Variants in EEFSEC observed in about 807,000 individuals in gnomAD.
EEFSEC encodes the protein eukaryotic elongation factor, selenocysteine-tRNA specific.
A neutral mutation model predicts 42.1 loss-of-function variants in EEFSEC; 43 were observed. The observed-to-expected ratio is 1.02, with a 90% CI of 0.80 to 1.32. The LOEUF (loss-of-function observed/expected upper bound fraction) is 1.32, where lower values mean the gene tolerates loss of function less well. Ranked by LOEUF, EEFSEC falls within the 40% of genes most tolerant of loss-of-function variation. The pLI, the probability that EEFSEC is intolerant of heterozygous loss-of-function variation, is 0.00. For synonymous variants in EEFSEC, 354 were observed against 339.1 expected, an observed-to-expected ratio of 1.04 and a Z score of -0.48; for missense variants, 745 against 803.6, an observed-to-expected ratio of 0.93 and a Z score of 0.88.
At chr3:128,154,265 G>T (rs370764673) in intron 1 of EEFSEC, among the ~76,000 whole-genome samples, 1 of 151,776 alleles carries the variant, frequency 6.6e-6, no homozygotes, top group African/African-American at 2.4e-5. Flanking sequence ...TTTCAGAAAG[G>T]CTCCACGTCA....
At chr3:128,168,145 G>A (rs1041725364) in intron 1 of EEFSEC, among the ~76,000 whole-genome samples, 3 of 152,178 alleles carry the variant, frequency 2.0e-5, no homozygotes, top group African/African-American at 7.2e-5. Context: ...CCCAGAGCTT[G>A]GGGATGGGGA....
At chr3:128,229,760 G>A (rs75741435) in intron 1 of EEFSEC, among the ~76,000 whole-genome samples, 1 of 152,028 alleles carries the variant, frequency 6.6e-6, no homozygotes, top group Non-Finnish European at 1.5e-5. Flanking sequence ...CAGATTTTTG[G>A]CATCTCTTAA....
chr3:128,385,313 G>T (rs1283618779), intron 6 of EEFSEC, among the ~76,000 whole-genome samples: 2 of 152,216 alleles, frequency 1.3e-5, no homozygotes, highest in Non-Finnish European at 2.9e-5. Flanking sequence ...GGACTGCAGT[G>T]GGGAGCGGGG....
intron 6 of EEFSEC, among the ~76,000 whole-genome samples, chr3:128,370,366 C>T (rs755700696): frequency 2.0e-5 from 3 of 152,082 alleles, no homozygotes; most frequent in Non-Finnish European, 4.4e-5. Flanking sequence ...GGGAGTGCAG[C>T]GGCCCACACT....
chr3:128,256,485 A>G lies in EEFSEC; in HGVS notation c.525-5643A>G, dbSNP rs1448383484. Among the ~76,000 whole-genome samples, 4 of 152,216 alleles carry G rather than the reference A, an allele frequency of 2.6e-5. No homozygotes were observed. In the South Asian group the frequency reaches 6.2e-4, roughly 24 times the overall value. ...TAAAAGCTGTTACAGAAGAAATACA[A>G]CATTCGCAGCATCATGCCTCCCTTT... On this transcript the variant is annotated intron_variant, in intron 2 of 6. Coordinates refer to ENST00000254730, the MANE Select transcript of EEFSEC (RefSeq NM_021937.5).
intron 1 of EEFSEC, among the ~76,000 whole-genome samples, chr3:128,208,225 G>A (rs144684938): frequency 2.0e-5 from 3 of 152,310 alleles, no homozygotes; most frequent in East Asian, 1.9e-4. Flanking sequence ...ATGGTTGGAC[G>A]GGAAGCCTCT....
chr3:128,209,242 G>A (rs1008801043), intron 1 of EEFSEC, among the ~76,000 whole-genome samples: 12 of 152,200 alleles, frequency 7.9e-5, no homozygotes, highest in African/African-American at 2.7e-4. Context: ...GGTGTATCGT[G>A]AATCTTAAAG....
At chr3:128,224,968 T>C (rs1307628913) in intron 1 of EEFSEC, among the ~76,000 whole-genome samples, 1 of 152,182 alleles carries the variant, frequency 6.6e-6, no homozygotes, top group African/African-American at 2.4e-5. Flanking sequence ...CCCCTCTTAG[T>C]GAGCTTTATA....
At chr3:128,221,656 A>G (rs2065862215) in intron 1 of EEFSEC, among the ~76,000 whole-genome samples, 1 of 152,182 alleles carries the variant, frequency 6.6e-6, no homozygotes, top group Non-Finnish European at 1.5e-5. Context: ...ACAGAAAACA[A>G]CGTTTGCTGA....
intron 2 of EEFSEC, among the ~76,000 whole-genome samples, chr3:128,257,339 T>A (rs2066251349): frequency 6.6e-6 from 1 of 152,236 alleles, no homozygotes. Context: ...TCTTTCTCTT[T>A]GCTCAGATGC....
chr3:128,242,816 A>G (rs1419158338), intron 1 of EEFSEC, among the ~76,000 whole-genome samples: 1 of 152,196 alleles, frequency 6.6e-6, no homozygotes, highest in Non-Finnish European at 1.5e-5. Context: ...AAAAACTCTG[A>G]TAGATTGGGA....
intron 1 of EEFSEC, among the ~76,000 whole-genome samples, chr3:128,243,543 TG>T (rs1254328303): frequency 2.6e-5 from 4 of 152,128 alleles, no homozygotes; most frequent in African/African-American, 9.7e-5. Context: ...CCAGCAACGA[TG>T]TATTAAGCTG....
At chr3:128,239,292 A>G (rs1228956331) in intron 1 of EEFSEC, among the ~76,000 whole-genome samples, 1 of 152,186 alleles carries the variant, frequency 6.6e-6, no homozygotes, top group Non-Finnish European at 1.5e-5. Context: ...TGTGAGTCCT[A>G]AAGGAAGGAG....
At chr3:128,290,176 T>C (rs1364762611) in intron 4 of EEFSEC, among the ~76,000 whole-genome samples, 5 of 152,220 alleles carry the variant, frequency 3.3e-5, no homozygotes, top group Non-Finnish European at 7.3e-5. Context: ...ATTGTGAAGA[T>C]AGTCTCTAAT....
At chr3:128,319,727 C>T (rs1216914256) in intron 4 of EEFSEC, among the ~76,000 whole-genome samples, 1 of 152,182 alleles carries the variant, frequency 6.6e-6, no homozygotes, top group African/African-American at 2.4e-5. Flanking sequence ...GAGGAGGAGA[C>T]GATCTGAATG....
intron 1 of EEFSEC, among the ~76,000 whole-genome samples, chr3:128,157,728 T>C (rs1944405578): frequency 6.6e-6 from 1 of 152,244 alleles, no homozygotes; most frequent in African/African-American, 2.4e-5. Context: ...AAAATATTAC[T>C]GATTGTTGAT....
At chr3:128,421,710 G>C in the EEFSEC span, among the ~76,000 whole-genome samples, 874 of 152,316 alleles carry the variant, frequency 5.7e-3, 4 homozygotes, top group African/African-American at 0.02. Context: ...GGGCAGCCTG[G>C]TGGCCTGGGC....
At chr3:128,398,278 A>G (rs1735562) in intron 6 of EEFSEC, among the ~76,000 whole-genome samples, 132,741 of 152,172 alleles carry the variant, frequency 0.87, 58,035 homozygotes, top group East Asian at 0.98. Context: ...TTGTGCCGAG[A>G]GAGCCAAGGG....
At chr3:128,374,278 C>T in intron 6 of EEFSEC, among the ~76,000 whole-genome samples, 1 of 152,232 alleles carries the variant, frequency 6.6e-6, no homozygotes, top group Non-Finnish European at 1.5e-5. Flanking sequence ...TCAGAGGCTG[C>T]TGTTCATGTT....
Sources: allele counts gnomAD v4.1 joint callset (sites outside exome capture counted in the v4.1 genomes callset), GRCh38; gene constraint gnomAD v4.1.1; transcripts MANE v1.5; gene names NCBI Gene and HGNC (gene_info 2026-07-23, HGNC 2026-07-21).